Variants in PDE11A observed in about 807,000 individuals in gnomAD.
PDE11A encodes the protein dual 3',5'-cyclic-AMP and -GMP phosphodiesterase 11A.
A neutral mutation model predicts 100.5 loss-of-function variants in PDE11A; 100 were observed. The ratio of observed to expected loss-of-function variants is 1.00; its 90% CI spans 0.85 to 1.18. PDE11A has a LOEUF of 1.18. Ranked by LOEUF, PDE11A falls within the 50% of genes most tolerant of loss-of-function variation. PDE11A has a pLI of 0.00. For missense variants in PDE11A, 1,141 were observed against 1,152.6 expected (o/e 0.99, Z 0.15); for synonymous variants, 381 against 420.8 (o/e 0.91, Z 1.16).
At position 177,646,522 on chromosome 2, in the gene PDE11A, A is replaced by G. The variant is rs183484183; in HGVS notation, c.2647-16960T>C. ...ATTGGAAAAACTAAGTTAAAGAGCC[A>G]AAGTTTACATGGTTAAGTACACAGC... On this transcript the variant is annotated intron_variant, in intron 19 of 19. Coordinates refer to ENST00000286063, the MANE Select transcript of PDE11A (RefSeq NM_016953.4). Among the ~76,000 whole-genome samples the G allele has an allele frequency of 2.9e-4, 44 of 152,364 alleles. No individual in the cohort carries two copies. The Middle Eastern group carries it at 0.01, about 35-fold the overall frequency.
intron 1 of PDE11A, among the ~76,000 whole-genome samples, chr2:178,035,445 G>A (rs2086600658): frequency 6.6e-6 from 1 of 152,178 alleles, no homozygotes; most frequent in Admixed American, 6.5e-5. Flanking sequence ...TCTACCAGAG[G>A]TACAAAGAGG....
intron 2 of PDE11A, among the ~76,000 whole-genome samples, chr2:178,080,401 G>A (rs1469582267): frequency 6.6e-6 from 1 of 152,116 alleles, no homozygotes; most frequent in African/African-American, 2.4e-5. Context: ...ATTAAATAGG[G>A]AATCCTTTCC....
chr2:177,945,232 C>T (rs1334443796), intron 2 of PDE11A, among the ~76,000 whole-genome samples: 3 of 151,326 alleles, frequency 2.0e-5, no homozygotes, highest in African/African-American at 4.8e-5. Flanking sequence ...AGCCTCTGCC[C>T]GGCCGCCACC....
chr2:177,883,350 A>G (rs1002408841), intron 4 of PDE11A, among the ~76,000 whole-genome samples: 3 of 152,080 alleles, frequency 2.0e-5, no homozygotes, highest in Admixed American at 2.0e-4. Context: ...ATGCCAATTT[A>G]CTCTAATCAT....
rs3830637 is a variant in PDE11A at position 177,629,445 on chromosome 2, G to GGGA, written c.2761_2763dup (p.Ser921dup). The GGGA allele has an allele frequency of 0.72, 1,158,295 of 1,612,458 alleles. 425,175 individuals are homozygous for GGGA. The highest frequency in any genetic ancestry group is 0.8 in the Admixed American group (47,987 of 59,976). Reference sequence around the variant, plus strand: ...TCCTTGGCTACCATAACACTGGCAGGGGAGGATGAGGCAGTTGAGGCCAGC... The same window carrying GGGA: ...TCCTTGGCTACCATAACACTGGCAGGGGAGGAGGATGAGGCAGTTGAGGCCAGC... On this transcript the variant is annotated inframe_insertion, in exon 20 of 20. Transcript: ENST00000286063.
At chr2:178,048,657 G>C (rs894320995) in intron 1 of PDE11A, among the ~76,000 whole-genome samples, 10 of 152,190 alleles carry the variant, frequency 6.6e-5, no homozygotes, top group Admixed American at 3.9e-4. Flanking sequence ...TTTCCAAAGG[G>C]ACAGGCCCCT....
At chr2:177,831,485 T>C (rs1017320617) in intron 6 of PDE11A, among the ~76,000 whole-genome samples, 24 of 152,168 alleles carry the variant, frequency 1.6e-4, no homozygotes, top group Admixed American at 1.3e-4. Context: ...CTTGATAGAG[T>C]AAATTATCTC....
chr2:177,875,677 G>T (rs78954818), intron 5 of PDE11A, among the ~76,000 whole-genome samples, 182 bp downstream of exon 5: 1,722 of 152,250 alleles, frequency 0.011, 26 homozygotes, highest in East Asian at 0.075. Context: ...ACCGCGCCTG[G>T]CCGTATATGC....
intron 2 of PDE11A, among the ~76,000 whole-genome samples, chr2:177,996,513 A>G (rs1359745287): frequency 6.6e-6 from 1 of 150,988 alleles, no homozygotes; most frequent in Admixed American, 6.6e-5. Context: ...ACGCTTATGT[A>G]TGTATGTATA....
Position 177,629,530 on chromosome 2 carries a change from C to T in PDE11A, c.2679G>A (p.Pro893=), listed in dbSNP as rs79512110. The T allele has an allele frequency of 6.2e-5, 100 of 1,607,378 alleles. No homozygotes were observed. In the African/African-American group the frequency reaches 6.8e-4, roughly 11 times the overall value. ...ALVKVNVKLK[P]MLDSVATNRS... is the part of the protein sequence containing the mutation. ...TGTTTGTAGCTACTGAATCTAGCATCGGCTTCAGTTTCACGTTGACCTTCA... is the reference window on the plus strand; with the variant it reads ...TGTTTGTAGCTACTGAATCTAGCATTGGCTTCAGTTTCACGTTGACCTTCA... The change falls in exon 20 of 20, where the codon CCG becomes CCA. Residue 893 remains proline (P), a synonymous_variant. Transcript: ENST00000286063.
chr2:177,695,957 C>T (rs1050586610), intron 15 of PDE11A, among the ~76,000 whole-genome samples: 6 of 151,996 alleles, frequency 3.9e-5, no homozygotes, highest in Non-Finnish European at 5.9e-5. Context: ...AGGAAGATGG[C>T]GAGTGGAGGA....
intron 19 of PDE11A, among the ~76,000 whole-genome samples, chr2:177,635,787 GAGGGATCT>G (rs2080029695): frequency 6.6e-6 from 1 of 151,948 alleles, no homozygotes; most frequent in African/African-American, 2.4e-5. Context: ...ACACCATACA[GAGGGATCT>G]GCACTTTGCC....
At chr2:177,785,109 A>G (rs1177062244) in intron 9 of PDE11A, among the ~76,000 whole-genome samples, 1 of 152,192 alleles carries the variant, frequency 6.6e-6, no homozygotes, top group African/African-American at 2.4e-5. Context: ...CTGAGCTCAC[A>G]ATCCTGGCTC....
chr2:177,697,191 G>A (rs1210316976), intron 15 of PDE11A, 141 bp downstream of exon 15: 3 of 663,520 alleles, frequency 4.5e-6, no homozygotes, highest in African/African-American at 1.8e-5. Flanking sequence ...TTATATCAGA[G>A]AGAAACAACA....
chr2:177,774,147 G>T (rs2082348323), intron 9 of PDE11A, among the ~76,000 whole-genome samples: 1 of 152,172 alleles, frequency 6.6e-6, no homozygotes, highest in Non-Finnish European at 1.5e-5. Flanking sequence ...ATTCTGACTG[G>T]ATGTAAATAC....
chr2:177,721,428 G>C (rs1432225068), intron 12 of PDE11A, among the ~76,000 whole-genome samples: 1 of 152,018 alleles, frequency 6.6e-6, no homozygotes, highest in Non-Finnish European at 1.5e-5. Context: ...TGTACAAAAA[G>C]ATATACAAAT....
intron 1 of PDE11A, among the ~76,000 whole-genome samples, chr2:178,027,724 A>C (rs2086495483): frequency 6.6e-6 from 1 of 152,176 alleles, no homozygotes; most frequent in Non-Finnish European, 1.5e-5. Context: ...ATTGCCTGAA[A>C]ATCACAAAGA....
At chr2:178,080,868 T>C (rs2087276502) in intron 2 of PDE11A, among the ~76,000 whole-genome samples, 1 of 152,142 alleles carries the variant, frequency 6.6e-6, no homozygotes, top group Admixed American at 6.5e-5. Context: ...TGAGTGATCA[T>C]GATAAATGAC....
At chr2:177,963,165 T>A (rs1032644107) in intron 2 of PDE11A, among the ~76,000 whole-genome samples, 1 of 152,200 alleles carries the variant, frequency 6.6e-6, no homozygotes, top group Non-Finnish European at 1.5e-5. Flanking sequence ...TAAAATCTAC[T>A]GCTTCCAAAT....
Sources: gnomAD v4.1 joint callset for allele counts (sites outside exome capture counted in the v4.1 genomes callset) on GRCh38, gnomAD v4.1.1 for gene constraint, MANE v1.5 for transcripts, NCBI Gene and HGNC (gene_info 2026-07-23, HGNC 2026-07-21) for gene names.